Variants in KLRB1 observed in about 807,000 individuals in gnomAD.
The protein encoded by KLRB1 is killer cell lectin-like receptor subfamily B member 1.
KLRB1 carries 27 observed loss-of-function variants against 33.5 expected under a neutral mutation model. The observed-to-expected ratio is 0.81, with a 90% CI of 0.59 to 1.11. The LOEUF is 1.11. KLRB1 is among the 50% of genes most tolerant of loss of function. The pLI, the probability that KLRB1 is intolerant of heterozygous loss-of-function variation, is 0.00. For synonymous variants in KLRB1, 64 were observed against 88.9 expected (o/e 0.72, Z 1.58); for missense variants, 241 against 254.1 (o/e 0.95, Z 0.35).
At chr12:9,606,760 A>ATTTTTTTTTTTT (rs1185510083) in intron 1 of KLRB1, among the ~76,000 whole-genome samples, 2 of 63,744 alleles carry the variant, frequency 3.1e-5, no homozygotes, top group Non-Finnish European at 2.7e-5. Context: ...ATATATATAT[A>ATTTTTTTTTTTT]TTTTTTTTTT....
Position 9,598,131 on chromosome 12 carries a change from C to T in KLRB1, c.445G>A (p.Ala149Thr), listed in dbSNP as rs752087906. Residue 149 changes from alanine to threonine, a missense_variant, in exon 5 of 6, where the codon GCA becomes ACA. Transcript: ENST00000229402. The stretch of plus-strand genomic sequence containing the variant: ...TTTAATCCAATCCAAAACAGAATTG[C>T]TTTGTCACGTATCAGGTTCTGTGTG... ...IHTQNLIRDK[A>T]ILFWIGLNFS... 1.2e-6 allele frequency: 2 copies of T among 1,604,124 alleles called. No homozygotes were observed. Among genetic ancestry groups the T allele is most frequent in the Admixed American group, 1.7e-5 (1 of 58,164 alleles).
At chr12:9,599,980 TAA>T (rs55659351) in intron 2 of KLRB1, 139 bp from the exon 3 acceptor site, 166,752 of 441,726 alleles carry the variant, frequency 0.38, 17,361 homozygotes, top group Non-Finnish European at 0.4. Flanking sequence ...AGCGAAGTGG[TAA>T]AAAAAAAAAA....
chr12:9,598,268 C>T (rs141501994), intron 4 of KLRB1, 107 bp from the exon 5 acceptor site: 104 of 795,018 alleles, frequency 1.3e-4, no homozygotes, highest in Middle Eastern at 2.3e-4. Context: ...CCTAACTCGT[C>T]GTCAGCATTA....
intron 3 of KLRB1, 100 bp from the exon 4 acceptor site, chr12:9,598,753 A>C (rs1864515044): frequency 1.3e-6 from 1 of 758,436 alleles, no homozygotes; most frequent in Non-Finnish European, 2.0e-6. Context: ...ATAAATGCTC[A>C]AAGTTTTTGA....
chr12:9,597,636 A>AT (rs1241028800), intron 5 of KLRB1, among the ~76,000 whole-genome samples: 9 of 151,874 alleles, frequency 5.9e-5, no homozygotes, highest in African/African-American at 2.2e-4. Context: ...GATATTTACT[A>AT]TTTTTTCTTT....
intron 1 of KLRB1, 179 bp downstream of exon 1, chr12:9,607,576 G>A: frequency 1.8e-6 from 1 of 549,072 alleles, no homozygotes; most frequent in Non-Finnish European, 3.3e-6. Flanking sequence ...AAATGTATGA[G>A]GTTTAAATTT....
chr12:9,598,703 C>G, intron 3 of KLRB1, 50 bp from the exon 4 acceptor site: 1 of 1,334,420 alleles, frequency 7.5e-7, no homozygotes, highest in East Asian at 2.3e-5. Flanking sequence ...TCTAACCTAT[C>G]CCTGACACAC....
At chr12:9,603,511 G>A (rs1446291431) in intron 1 of KLRB1, among the ~76,000 whole-genome samples, 10 of 151,618 alleles carry the variant, frequency 6.6e-5, no homozygotes, top group Non-Finnish European at 4.4e-5. Flanking sequence ...CGCAACCTCC[G>A]CCTCCCAGGT....
intron 2 of KLRB1, among the ~76,000 whole-genome samples, chr12:9,600,850 G>A (rs1305765874): frequency 6.6e-6 from 1 of 151,748 alleles, no homozygotes; most frequent in Non-Finnish European, 1.5e-5. Context: ...TCGTGGGAAG[G>A]GAAAGACCTG....
chr12:9,601,502 T>G lies in KLRB1; in HGVS notation c.183A>C (p.Ser61=), dbSNP rs1295319287. 1.9e-6 allele frequency: 3 copies of G among 1,607,702 alleles called. No homozygotes were observed. The South Asian group carries it at 3.3e-5, about 18-fold the overall frequency. ...AACAGATGATGGTGCCCCACTTACC[T>G]GAAACACTCAACCCAGTAACAACCA... ...LVLVVTGLSV[S]VTSLIQKSSI... Residue 61 remains serine, a splice_region_variant and synonymous_variant, in exon 2 of 6, where the codon TCA becomes TCC. Transcript: ENST00000229402.
intron 1 of KLRB1, among the ~76,000 whole-genome samples, chr12:9,603,229 G>A (rs1361293101): frequency 6.6e-6 from 1 of 152,198 alleles, no homozygotes; most frequent in African/African-American, 2.4e-5. Context: ...GAGAGCTGGT[G>A]TGATACAAGA....
intron 5 of KLRB1, among the ~76,000 whole-genome samples, chr12:9,597,717 A>G (rs1472927770): frequency 2.0e-5 from 3 of 152,144 alleles, no homozygotes; most frequent in Non-Finnish European, 4.4e-5. Flanking sequence ...CCACAGTTTG[A>G]AAAATACAAC....
intron 1 of KLRB1, among the ~76,000 whole-genome samples, chr12:9,602,772 A>G (rs987863180): frequency 1.3e-5 from 2 of 151,886 alleles, no homozygotes; most frequent in African/African-American, 4.8e-5. Flanking sequence ...ATTACTTGCT[A>G]TGAGTTACAT....
Position 9,601,589 on chromosome 12 carries a change from C to G in KLRB1, c.96G>C (p.Gln32His), listed in dbSNP as rs764179437. The G allele has an allele frequency of 6.2e-7, 1 of 1,609,618 alleles. No homozygotes were observed. Among genetic ancestry groups the G allele is most frequent in the Non-Finnish European group, 8.5e-7 (1 of 1,176,338 alleles). ...GGGCAAATTGATGCCAAGGTGAACC[C>G]TGACAGACATCTGAAAAGTTAAAAA... is the stretch of plus-strand genomic sequence containing the variant. The part of the protein sequence containing the change: ...SPSSLPRDVC[Q>H]GSPWHQFALK... Residue 32 changes from glutamine to histidine, a missense_variant, in exon 2 of 6, where the codon CAG becomes CAC. Gln to His is a conservative substitution (Grantham distance 24). Transcript: ENST00000229402.
At chr12:9,601,448 A>T in intron 2 of KLRB1, 53 bp downstream of exon 2, 1 of 1,329,382 alleles carries the variant, frequency 7.5e-7, no homozygotes, top group Non-Finnish European at 1.1e-6. Flanking sequence ...GCTCTAAGAT[A>T]CGTAATGGAA....
chr12:9,598,425 GGCTAAT>G lies in KLRB1; in HGVS notation c.414+68_414+73del, dbSNP rs372327066. The stretch of plus-strand genomic sequence containing the variant: ...TCACTTCCATTGCATAAAACCCCTG[GGCTAAT>G]GCACAGACATTAATATGGTTTAAAG... On this transcript the variant is annotated intron_variant, in intron 4 of 5. Coordinates refer to ENST00000229402, the MANE Select transcript of KLRB1 (RefSeq NM_002258.3). The G allele has an allele frequency of 2.1e-4, 264 of 1,259,028 alleles. 1 individual carries two copies. The African/African-American group carries it at 4.0e-3, about 19-fold the overall frequency. 78.0% of individuals were successfully genotyped at this position (1,259,028 alleles called of 1,614,324 possible). A position where few individuals can be genotyped will look rare whatever the true frequency, so the allele number is the denominator to read the frequency against.
In KLRB1 at chr12:9,598,613, T is replaced by G. The variant is rs772576036; in HGVS notation, c.300A>C (p.Gln100His). 14 of 1,613,126 alleles carry G rather than the reference T, an allele frequency of 8.7e-6. No homozygotes were observed. Among genetic ancestry groups the G allele is most frequent in the Non-Finnish European group, 1.2e-5 (14 of 1,179,294 alleles). ...GLLNCPIYWQ[Q>H]LREKCLLFSH... ...AAAATAACAAGCATTTCTCTCGGAG[T>G]TGCTGCCAATATATTGGGCAGTTTA... Residue 100 changes from glutamine to histidine, a missense_variant, in exon 4 of 6, where the codon CAA (glutamine) becomes CAC (histidine). By Grantham distance (24) the Gln-to-His change is conservative. Transcript: ENST00000229402.
Position 9,604,207 on chromosome 12 carries a change from G to A in KLRB1, c.86-2608C>T, listed in dbSNP as rs113260355. ...TTACAATGAATCACTACAGGGGTCC[G>A]GCGGACGTTAGCTATCTGGAAATAC... is the stretch of plus-strand genomic sequence containing the variant. On this transcript the variant is annotated intron_variant, in intron 1 of 5. Transcript: ENST00000229402. 5.9e-5 allele frequency among the ~76,000 whole-genome samples: 9 copies of A among 152,220 alleles called. 1 individual carries two copies. The South Asian group carries it at 6.2e-4, about 11-fold the overall frequency.
chr12:9,606,758 A>ATTTTTTTTTTTT lies in KLRB1; in HGVS notation c.85+996_85+997insAAAAAAAAAAAA, dbSNP rs1285915836. On this transcript the variant is annotated intron_variant, in intron 1 of 5. Transcript: ENST00000229402. ...AGTATATATATATATATATATATAT[A>ATTTTTTTTTTTT]TATTTTTTTTTTTTTTTTGAGATAG... Among the ~76,000 whole-genome samples the ATTTTTTTTTTTT allele has an allele frequency of 2.8e-3, 186 of 65,880 alleles. 9 individuals are homozygous for ATTTTTTTTTTTT. Among genetic ancestry groups the ATTTTTTTTTTTT allele is most frequent in the Non-Finnish European group, 4.0e-3 (157 of 39,336 alleles). The allele number at this position is 65,880 out of a possible 152,430, so 43.2% of individuals were successfully genotyped here.
Sources: allele counts gnomAD v4.1 joint callset (sites outside exome capture counted in the v4.1 genomes callset), GRCh38; gene constraint gnomAD v4.1.1; transcripts MANE v1.5; gene names NCBI Gene and HGNC (gene_info 2026-07-23, HGNC 2026-07-21).